The following SEPTIN9 variants were observed in gnomAD, a reference collection of about 807,000 sequenced individuals.
SEPTIN9 encodes the protein septin-9.
In SEPTIN9, 13 loss-of-function variants were observed where a neutral mutation model predicts 56.6. The observed-to-expected ratio is 0.23, with a 90% confidence interval of 0.15 to 0.37. The LOEUF (loss-of-function observed/expected upper bound fraction) is 0.37. Ranked by LOEUF, SEPTIN9 falls within the 10% of genes least tolerant of loss-of-function variation. The pLI is 1.00. For missense variants in SEPTIN9, 650 were observed against 823.1 expected, an observed-to-expected ratio of 0.79 and a Z score of 2.57; for synonymous variants, 332 against 334.1, an observed-to-expected ratio of 0.99 and a Z score of 0.07.
chr17:77,319,381 C>T lies in SEPTIN9; in HGVS notation c.76+12184C>T. 3.8e-6 allele frequency: 1 copy of T among 260,536 alleles called. No individual in the cohort carries two copies. The highest frequency in any genetic ancestry group is 6.3e-6 in the Non-Finnish European group (1 of 157,898). 16.1% of individuals were successfully genotyped at this position (260,536 alleles called of 1,614,324 possible). A position where few individuals can be genotyped will look rare whatever the true frequency, so the allele number is the denominator to read the frequency against. Reference sequence around the variant, plus strand: ...ACAGCACTGATCCCCCAGTGGGGCCCCGAGTTCCCGGAGAGGAAGACTCGC... The same window carrying T: ...ACAGCACTGATCCCCCAGTGGGGCCTCGAGTTCCCGGAGAGGAAGACTCGC... On this transcript the variant is annotated intron_variant, in intron 2 of 11. Transcript: ENST00000427177. This position sits in a 1 kb window ranked among gnomAD's most constrained non-coding sequence, Gnocchi z 5.3.
intron 2 of SEPTIN9, among the ~76,000 whole-genome samples, chr17:77,315,581 C>T (rs59685564): frequency 0.026 from 3,917 of 152,262 alleles, 208 homozygotes; most frequent in East Asian, 0.23. Context: ...CCACTGCACC[C>T]GGCCACGACC....
At chr17:77,470,963 A>C (rs1298399743) in intron 3 of SEPTIN9, 2 of 152,256 alleles carry the variant, frequency 1.3e-5, no homozygotes, top group African/African-American at 4.8e-5. Flanking sequence ...TGGGTTCCCA[A>C]GGCGATGGCA....
intron 3 of SEPTIN9, among the ~76,000 whole-genome samples, chr17:77,412,939 C>A (rs1249257437): frequency 6.6e-6 from 1 of 152,022 alleles, no homozygotes; most frequent in African/African-American, 2.4e-5. Context: ...AGAATTTCAC[C>A]CACGTTTTCT....
intron 2 of SEPTIN9, among the ~76,000 whole-genome samples, chr17:77,337,612 AACCGTCTGG>A (rs2033596754): frequency 6.6e-6 from 1 of 152,040 alleles, no homozygotes; most frequent in Non-Finnish European, 1.5e-5. Context: ...CCACCAAGAA[AACCGTCTGG>A]ACCTAGAATT....
intron 2 of SEPTIN9, among the ~76,000 whole-genome samples, chr17:77,311,498 TG>T (rs1331088268): frequency 6.6e-6 from 1 of 152,158 alleles, no homozygotes; most frequent in Non-Finnish European, 1.5e-5. Context: ...AAGGGCCCTG[TG>T]GGGGCAAGGC....
chr17:77,305,041 G>T (rs2032205667), intron 1 of SEPTIN9, among the ~76,000 whole-genome samples: 2 of 152,164 alleles, frequency 1.3e-5, no homozygotes, highest in South Asian at 4.1e-4. Flanking sequence ...GTCTTAAGGA[G>T]GCTGTCATTT....
chr17:77,439,369 G>A (rs1220918911), intron 3 of SEPTIN9, among the ~76,000 whole-genome samples: 2 of 152,150 alleles, frequency 1.3e-5, no homozygotes, highest in African/African-American at 2.4e-5. Flanking sequence ...TGCAGCCCTG[G>A]GGGCCCCAGG....
chr17:77,373,625 G>A (rs899463904), intron 2 of SEPTIN9: 6 of 1,520,244 alleles, frequency 3.9e-6, no homozygotes, highest in Admixed American at 4.1e-5. Flanking sequence ...GGCGCGGGAC[G>A]GGGGTGCGCT....
intron 10 of SEPTIN9, among the ~76,000 whole-genome samples, chr17:77,495,832 C>T (rs1432797729): frequency 3.9e-5 from 6 of 152,182 alleles, no homozygotes; most frequent in Admixed American, 6.5e-5. Context: ...GTGGAGGCCC[C>T]GGCCCTGCCT....
intron 1 of SEPTIN9, among the ~76,000 whole-genome samples, chr17:77,301,422 G>A (rs1331330544): frequency 6.6e-6 from 1 of 151,546 alleles, no homozygotes; most frequent in African/African-American, 2.4e-5. Flanking sequence ...GTGTGTGTGT[G>A]TGTGTGTGTG....
At chr17:77,343,798 A>G (rs1181385354) in intron 2 of SEPTIN9, among the ~76,000 whole-genome samples, 1 of 152,138 alleles carries the variant, frequency 6.6e-6, no homozygotes, top group Non-Finnish European at 1.5e-5. Context: ...GCGGGAGGAA[A>G]CCACACATCT....
chr17:77,393,586 T>C (rs2035613350), intron 2 of SEPTIN9, among the ~76,000 whole-genome samples: 1 of 151,862 alleles, frequency 6.6e-6, no homozygotes, highest in South Asian at 2.1e-4. Flanking sequence ...TTATTTTTTA[T>C]TTATTTATTT....
In SEPTIN9 at chr17:77,300,274, A is replaced by T. The variant is rs192177414; in HGVS notation, c.20-6867A>T. 3.9e-5 allele frequency among the ~76,000 whole-genome samples: 6 copies of T among 152,234 alleles called. No individual in the cohort carries two copies. The East Asian group carries it at 1.2e-3, about 29-fold the overall frequency. On this transcript the variant is annotated intron_variant, in intron 1 of 11. Coordinates refer to ENST00000427177, the MANE Select transcript of SEPTIN9 (RefSeq NM_001113491.2). Reference sequence around the variant, plus strand: ...CACCACTGAGAACAATGCCTTCTACAGTGTTTATTCTCCTGTAGGAGCAAG... The same window carrying T: ...CACCACTGAGAACAATGCCTTCTACTGTGTTTATTCTCCTGTAGGAGCAAG...
intron 7 of SEPTIN9, among the ~76,000 whole-genome samples, chr17:77,489,104 G>A (rs533814586): frequency 1.3e-5 from 2 of 152,306 alleles, no homozygotes; most frequent in East Asian, 3.9e-4. Flanking sequence ...GGGAGCTGAG[G>A]GTCAGGCAGG....
chr17:77,359,838 A>T (rs1159480866), intron 2 of SEPTIN9, among the ~76,000 whole-genome samples: 1 of 151,728 alleles, frequency 6.6e-6, no homozygotes, highest in Admixed American at 6.6e-5. Context: ...TGGAAAAAAA[A>T]TCATGAGCAC....
At position 77,451,816 on chromosome 17, in the gene SEPTIN9, G is replaced by T. The variant is rs943754461; in HGVS notation, c.722-30328G>T. On this transcript the variant is annotated intron_variant, in intron 3 of 11. Coordinates refer to ENST00000427177, the MANE Select transcript of SEPTIN9 (RefSeq NM_001113491.2). The surrounding 1 kb of genome is among the most constrained non-coding windows in gnomAD (Gnocchi z 4.2). ...AATATTTGGCCAACTAAGCTGAGTG[G>T]CTAAGTTCTCCTGCTGCCCGGAGCT... Among the ~76,000 whole-genome samples, 1 of 152,232 alleles carries T rather than the reference G, an allele frequency of 6.6e-6. No homozygotes were observed. Among genetic ancestry groups the T allele is most frequent in the Admixed American group, 6.5e-5 (1 of 15,288 alleles).
In SEPTIN9 at chr17:77,389,803, C is replaced by G. The variant is rs2035468549; in HGVS notation, c.77-12256C>G. On this transcript the variant is annotated intron_variant, in intron 2 of 11. Transcript: ENST00000427177. The surrounding 1 kb of genome is among the most constrained non-coding windows in gnomAD (Gnocchi z 4.3). Reference sequence around the variant, plus strand: ...TCCCCTGCGGCTTCCGCCCATTTCCCCTCAATCTGCTCCTAGTGGAGCAGC... The same window carrying G: ...TCCCCTGCGGCTTCCGCCCATTTCCGCTCAATCTGCTCCTAGTGGAGCAGC... Among the ~76,000 whole-genome samples the G allele has an allele frequency of 6.6e-6, 1 of 152,202 alleles. No individual in the cohort carries two copies. The highest frequency in any genetic ancestry group is 2.4e-5 in the African/African-American group (1 of 41,448).
Position 77,500,181 on chromosome 17 carries a change from T to G in SEPTIN9, c.*1523T>G, listed in dbSNP as rs951681867. The G allele has an allele frequency of 4.3e-5, 10 of 232,788 alleles. No individual in the cohort carries two copies. Among genetic ancestry groups the G allele is most frequent in the African/African-American group, 6.6e-5 (3 of 45,260 alleles). 14.4% of individuals were successfully genotyped at this position (232,788 alleles called of 1,614,324 possible). A position where few individuals can be genotyped will look rare whatever the true frequency, so the allele number is the denominator to read the frequency against. On this transcript the variant is annotated 3_prime_UTR_variant, in exon 12 of 12. Transcript: ENST00000427177. Reference sequence around the variant, plus strand: ...GAAGGAGTGTATGAGTGTGAGTGTGTGTGCATGGAAGTTGGGGCACTGGGC... The same window carrying G: ...GAAGGAGTGTATGAGTGTGAGTGTGGGTGCATGGAAGTTGGGGCACTGGGC...
chr17:77,386,295 G>C (rs765382156), intron 2 of SEPTIN9, among the ~76,000 whole-genome samples: 9 of 152,212 alleles, frequency 5.9e-5, no homozygotes, highest in Non-Finnish European at 1.2e-4. Flanking sequence ...AATGGGCCCA[G>C]GCAGTTTCTG....
Sources: allele counts gnomAD v4.1 joint callset (sites outside exome capture counted in the v4.1 genomes callset), GRCh38; gene constraint gnomAD v4.1.1; non-coding constraint Gnocchi (gnomAD v3.1); transcripts MANE v1.5; gene names NCBI Gene and HGNC (gene_info 2026-07-23, HGNC 2026-07-21).